The following ADGRA2 variants were observed in gnomAD, a reference collection of about 807,000 sequenced individuals.
ADGRA2 encodes the protein G-protein coupled receptor 124.
ADGRA2 carries 61 observed loss-of-function variants against 98.7 expected under a neutral mutation model. That is an observed-to-expected ratio of 0.62 (90% confidence interval 0.50 to 0.76). The LOEUF is 0.76. Among genes scored for constraint, ADGRA2 ranks in the 30% least tolerant of loss-of-function variants. ADGRA2 has a pLI of 0.00. For missense variants in ADGRA2, 1,712 were observed against 1,860.0 expected, an observed-to-expected ratio of 0.92 and a Z score of 1.46; for synonymous variants, 858 against 831.5, an observed-to-expected ratio of 1.03 and a Z score of -0.55.
Position 37,836,097 on chromosome 8 carries a change from A to ACACC in ADGRA2, c.2050+328_2050+329insACCC, listed in dbSNP as rs1245868623. On this transcript the variant is annotated intron_variant, in intron 13 of 18. Coordinates refer to ENST00000412232, the MANE Select transcript of ADGRA2 (RefSeq NM_032777.10). ...CACACACACACACACACACACACAC[A>ACACC]CCCCACAGGCCCAATGCAGACAAGT... Among the ~76,000 whole-genome samples the ACACC allele has an allele frequency of 2.4e-3, 263 of 108,724 alleles. 3 individuals are homozygous for ACACC. Among genetic ancestry groups the ACACC allele is most frequent in the African/African-American group, 7.4e-3 (200 of 27,118 alleles). 71.3% of individuals were successfully genotyped at this position (108,724 alleles called of 152,430 possible).
Position 37,834,881 on chromosome 8 carries a change from G to C in ADGRA2, c.1609-293G>C, listed in dbSNP as rs1420483410. On this transcript the variant is annotated intron_variant, in intron 11 of 18. Transcript: ENST00000412232. The surrounding 1 kb of genome is among the most constrained non-coding windows in gnomAD (Gnocchi z 4.2). ...ATCTCTAAAAAAAAGTTTTTAATTA[G>C]ATGGGCATGGTAGCATGCCTGTAGT... 6.6e-6 allele frequency among the ~76,000 whole-genome samples: 1 copy of C among 152,064 alleles called. No homozygotes were observed. Among genetic ancestry groups the C allele is most frequent in the Non-Finnish European group, 1.5e-5 (1 of 68,020 alleles).
chr8:37,835,841 C>A, intron 13 of ADGRA2, 71 bp downstream of exon 13: 1 of 941,896 alleles, frequency 1.1e-6, no homozygotes, highest in South Asian at 1.5e-5. Context: ...TTTATCCTGC[C>A]CTTCCCTGGC....
rs751979701 is a variant in ADGRA2 at position 37,834,491 on chromosome 8, T to C, written c.1608+363T>C. Among the ~76,000 whole-genome samples, 2 of 152,206 alleles carry C rather than the reference T, an allele frequency of 1.3e-5. No individual in the cohort carries two copies. The highest frequency in any genetic ancestry group is 2.9e-5 in the Non-Finnish European group (2 of 68,040). ...CTGAGAGAAGGTGAGTGCTCCAATC[T>C]GATAACAACCACAGTACAGCATCGT... On this transcript the variant is annotated intron_variant, in intron 11 of 18. Transcript: ENST00000412232. This position sits in a 1 kb window ranked among gnomAD's most constrained non-coding sequence, Gnocchi z 4.2.
chr8:37,818,181 T>C (rs942932862), intron 2 of ADGRA2, among the ~76,000 whole-genome samples: 3 of 152,168 alleles, frequency 2.0e-5, no homozygotes, highest in African/African-American at 7.2e-5. Context: ...CAGGGGTCTT[T>C]GGAGGAAGGC....
rs566463109 is a variant in ADGRA2, at chr8:37,827,476, A to G, written c.339-1412A>G. 2.6e-3 allele frequency among the ~76,000 whole-genome samples: 391 copies of G among 152,292 alleles called. 1 individual carries two copies. Among genetic ancestry groups the G allele is most frequent in the African/African-American group, 9.1e-3 (377 of 41,562 alleles). ...GGGGCAGGTGAGGAAGGGGGCAGAG[A>G]GTTGTGCCTAGGCCATGATTGAATT... On this transcript the variant is annotated intron_variant, in intron 2 of 18. Coordinates refer to ENST00000412232, the MANE Select transcript of ADGRA2 (RefSeq NM_032777.10).
intron 1 of ADGRA2, among the ~76,000 whole-genome samples, chr8:37,801,682 G>T (rs945433872): frequency 6.6e-6 from 1 of 152,228 alleles, no homozygotes; most frequent in Non-Finnish European, 1.5e-5. Flanking sequence ...GGATCTTAGC[G>T]ATAAGGAAGC....
Position 37,830,585 on chromosome 8 carries a change from A to G in ADGRA2, c.719-125A>G, listed in dbSNP as rs1805422966. ...TTTCTCTTGACCCCTTTTCCTTCCC[A>G]GCTGGAGCAGGCTGCAGGCCGAGGG... is the stretch of plus-strand genomic sequence containing the variant. On this transcript the variant is annotated intron_variant, in intron 6 of 18. Coordinates refer to ENST00000412232, the MANE Select transcript of ADGRA2 (RefSeq NM_032777.10). The surrounding 1 kb of genome is among the most constrained non-coding windows in gnomAD (Gnocchi z 4.8). 1.5e-6 allele frequency: 1 copy of G among 666,238 alleles called. No homozygotes were observed. The highest frequency in any genetic ancestry group is 1.8e-5 in the South Asian group (1 of 55,920). 41.3% of individuals were successfully genotyped at this position (666,238 alleles called of 1,614,324 possible).
At chr8:37,826,147 C>T (rs983663635) in intron 2 of ADGRA2, among the ~76,000 whole-genome samples, 2 of 152,186 alleles carry the variant, frequency 1.3e-5, no homozygotes, top group African/African-American at 2.4e-5. Flanking sequence ...AGGGGGGCTG[C>T]GCCTAAGCCC....
chr8:37,840,860 CTCCCTCCCG>C lies in ADGRA2; in HGVS notation c.2747+12_2747+20del. ...GGACCACAGCCCCTAGTGAGCACCCCTCCCTCCCGCCCCAAGCCTACCTACCTAACACCA... is the reference window on the plus strand; with the variant it reads ...GGACCACAGCCCCTAGTGAGCACCCCCCCCAAGCCTACCTACCTAACACCA... On this transcript the variant is annotated intron_variant, in intron 18 of 18. Coordinates refer to ENST00000412232, the MANE Select transcript of ADGRA2 (RefSeq NM_032777.10). 7.7e-6 allele frequency: 11 copies of C among 1,427,784 alleles called. No homozygotes were observed. The highest frequency in any genetic ancestry group is 1.4e-5 in the African/African-American group (1 of 71,382). 88.4% of individuals were successfully genotyped at this position (1,427,784 alleles called of 1,614,324 possible).
In ADGRA2 at chr8:37,840,114, C is replaced by T. The variant is rs776741437; in HGVS notation, c.2512-7C>T. On this transcript the variant is annotated splice_region_variant and splice_polypyrimidine_tract_variant and intron_variant, in intron 16 of 18. Transcript: ENST00000412232. ...AGGTCCCCAGCCTCCGTGCCTTGAC[C>T]CCGCAGGTGGGCATCACCCTGCACT... is the stretch of plus-strand genomic sequence containing the variant. 4.4e-6 allele frequency: 7 copies of T among 1,579,628 alleles called. 1 individual carries two copies. The Admixed American group carries it at 8.7e-5, about 20-fold the overall frequency.
intron 1 of ADGRA2, among the ~76,000 whole-genome samples, chr8:37,800,426 A>G (rs1276705920): frequency 4.6e-5 from 7 of 151,816 alleles, no homozygotes; most frequent in Admixed American, 3.9e-4. Flanking sequence ...TGCGGTGACA[A>G]CTCCCAGACT....
chr8:37,827,444 A>C (rs1031188989), intron 2 of ADGRA2, among the ~76,000 whole-genome samples: 1 of 152,214 alleles, frequency 6.6e-6, no homozygotes, highest in Non-Finnish European at 1.5e-5. Context: ...CTGTCCCTGC[A>C]GCCCCAGGGG....
chr8:37,835,455 C>G (rs1805581939), intron 12 of ADGRA2, 57 bp downstream of exon 12: 1 of 1,537,396 alleles, frequency 6.5e-7, no homozygotes, highest in South Asian at 1.1e-5. Context: ...GATGCAGGTG[C>G]CTGGTGGGGG....
intron 10 of ADGRA2, 43 bp downstream of exon 10, chr8:37,833,880 T>C (rs1229933524): frequency 1.2e-6 from 2 of 1,610,012 alleles, no homozygotes; most frequent in Non-Finnish European, 1.7e-6. Flanking sequence ...AACGCCCCCA[T>C]CCCTCATTTG....
Position 37,829,833 on chromosome 8 carries a change from C to T in ADGRA2, c.555-18C>T. On this transcript the variant is annotated intron_variant, in intron 5 of 18. Coordinates refer to ENST00000412232, the MANE Select transcript of ADGRA2 (RefSeq NM_032777.10). The stretch of plus-strand genomic sequence containing the variant: ...ACTCCCTCTGCTCTGCTCCGTGACC[C>T]CTCTGCCCACCCTGCAGGGACTTGG... The T allele has an allele frequency of 3.7e-6, 6 of 1,603,692 alleles. No individual in the cohort carries two copies. Among genetic ancestry groups the T allele is most frequent in the Non-Finnish European group, 4.3e-6 (5 of 1,175,034 alleles).
chr8:37,807,013 A>G (rs1347879742), intron 1 of ADGRA2, among the ~76,000 whole-genome samples: 1 of 152,170 alleles, frequency 6.6e-6, no homozygotes, highest in Non-Finnish European at 1.5e-5. Flanking sequence ...AGCAGGACTC[A>G]CTGCAGGTCT....
intron 2 of ADGRA2, among the ~76,000 whole-genome samples, chr8:37,819,416 G>A (rs537580577): frequency 2.0e-5 from 3 of 152,278 alleles, no homozygotes; most frequent in Non-Finnish European, 1.5e-5. Flanking sequence ...TCTGTCACCA[G>A]GCTAAAGTGC....
intron 2 of ADGRA2, 43 bp from the exon 3 acceptor site, chr8:37,828,845 C>G: frequency 6.5e-7 from 1 of 1,531,786 alleles, no homozygotes; most frequent in East Asian, 2.3e-5. Context: ...CAGGGCGGCT[C>G]CAGCGGGGAG....
At chr8:37,835,094 A>G (rs1805566906) in intron 11 of ADGRA2, 80 bp from the exon 12 acceptor site, 1 of 975,554 alleles carries the variant, frequency 1.0e-6, no homozygotes, top group Admixed American at 2.0e-5. Context: ...CAGCCTGAGC[A>G]GGCCCATTGA....
Sources: gnomAD v4.1 joint callset for allele counts (sites outside exome capture counted in the v4.1 genomes callset) on GRCh38, gnomAD v4.1.1 for gene constraint, Gnocchi (gnomAD v3.1) non-coding constraint, MANE v1.5 for transcripts, NCBI Gene and HGNC (gene_info 2026-07-23, HGNC 2026-07-21) for gene names.